The following ZC3H11A variants were observed in gnomAD, a reference collection of about 807,000 sequenced individuals.
ZC3H11A encodes zinc finger CCCH-type containing 11A.
In ZC3H11A, 22 loss-of-function variants were observed where a neutral mutation model predicts 90.8. The ratio of observed to expected loss-of-function variants is 0.24; its 90% confidence interval spans 0.17 to 0.35. The LOEUF (loss-of-function observed/expected upper bound fraction) is 0.35. ZC3H11A is among the 10% of genes least tolerant of loss of function. ZC3H11A has a pLI of 1.00. For missense variants in ZC3H11A, 701 were observed against 964.9 expected, an observed-to-expected ratio of 0.73 and a Z score of 3.62; for synonymous variants, 294 against 339.8, an observed-to-expected ratio of 0.87 and a Z score of 1.48.
At chr1:203,830,929 T>TA (rs1170842803) in intron 8 of ZC3H11A, among the ~76,000 whole-genome samples, 7 of 74,172 alleles carry the variant, frequency 9.4e-5, no homozygotes, top group African/African-American at 5.0e-4. Flanking sequence ...CCCCCAATTT[T>TA]TTTTTTTTTT....
rs1681672224 is a variant in ZC3H11A at position 203,829,817 on chromosome 1, T to C, written c.540T>C (p.Pro180=). The change falls in exon 7 of 18, where the codon CCT becomes CCC. Residue 180 remains proline (P), a synonymous_variant. Transcript: ENST00000367210. The part of the protein sequence containing the change: ...FSEEGDETKT[P]TLQPTPEVHN... ...AGGAAGGTGATGAAACCAAAACACC[T>C]ACCCTGCAACCAACTCCTGAAGTTC... The C allele has an allele frequency of 5.0e-6, 8 of 1,614,008 alleles. No individual in the cohort carries two copies. Among genetic ancestry groups the C allele is most frequent in the Non-Finnish European group, 6.8e-6 (8 of 1,180,014 alleles).
chr1:203,798,981 T>C (rs956602827), intron 1 of ZC3H11A: 1 of 1,536,164 alleles, frequency 6.5e-7, no homozygotes, highest in East Asian at 2.4e-5. Flanking sequence ...TGTTGACATA[T>C]GGACCCATGA....
intron 12 of ZC3H11A, among the ~76,000 whole-genome samples, chr1:203,841,929 G>A (rs1322301317): frequency 2.7e-5 from 4 of 148,418 alleles, no homozygotes; most frequent in Admixed American, 1.3e-4. Flanking sequence ...ATGGGGTGGC[G>A]GTCGGGCAGA....
intron 1 of ZC3H11A, chr1:203,796,145 C>T (rs1284415395): frequency 7.3e-6 from 2 of 275,512 alleles, no homozygotes; most frequent in East Asian, 5.8e-5. Flanking sequence ...CCCCGAAAAC[C>T]GACTGTTCCC....
At chr1:203,850,356 G>T in intron 15 of ZC3H11A, 159 bp from the exon 16 acceptor site, 7 of 1,079,640 alleles carry the variant, frequency 6.5e-6, no homozygotes, top group Non-Finnish European at 9.8e-6. Flanking sequence ...TGACCACCAT[G>T]TGACCACAAA....
intron 1 of ZC3H11A, chr1:203,799,450 A>T (rs1424211204): frequency 1.4e-6 from 1 of 702,972 alleles, no homozygotes; most frequent in Non-Finnish European, 2.6e-6. Flanking sequence ...TTGAAGCAGG[A>T]CGAAACTGGC....
Position 203,835,932 on chromosome 1 carries a change from G to A in ZC3H11A, c.875-2034G>A, listed in dbSNP as rs1684190348. On this transcript the variant is annotated intron_variant, in intron 10 of 17. Coordinates refer to ENST00000367210, the MANE Select transcript of ZC3H11A (RefSeq NM_001376342.1). ...AGACATACTTCCTTTAAGAAGTCCT[G>A]TTCCCAGGAGGCCTCCACAGGATCC... 2.1e-5 allele frequency: 4 copies of A among 194,590 alleles called. No individual in the cohort carries two copies. The South Asian group carries it at 4.2e-4, about 21-fold the overall frequency. 12.1% of individuals were successfully genotyped at this position (194,590 alleles called of 1,614,324 possible). A position where few individuals can be genotyped will look rare whatever the true frequency, so the allele number is the denominator to read the frequency against.
Position 203,840,923 on chromosome 1 carries a change from C to T in ZC3H11A, c.1042+549C>T, listed in dbSNP as rs542986917. On this transcript the variant is annotated intron_variant, in intron 12 of 17. Coordinates refer to ENST00000367210, the MANE Select transcript of ZC3H11A (RefSeq NM_001376342.1). ...TCCTGGGATTACAGGCACGAGCCAC[C>T]GCACCCGGCTAAATAGTAGGAAATT... is the stretch of plus-strand genomic sequence containing the variant. 8.5e-5 allele frequency among the ~76,000 whole-genome samples: 13 copies of T among 152,158 alleles called. No homozygotes were observed. In the East Asian group the frequency reaches 1.9e-3, roughly 23 times the overall value.
At chr1:203,852,109 G>T in intron 17 of ZC3H11A, 32 bp from the exon 18 acceptor site, 1 of 1,611,496 alleles carries the variant, frequency 6.2e-7, no homozygotes, top group Middle Eastern at 1.7e-4. Context: ...TTTTAAAACG[G>T]CAGTTTTCTA....
intron 4 of ZC3H11A, among the ~76,000 whole-genome samples, chr1:203,824,496 A>G (rs1010449784): frequency 4.3e-4 from 65 of 152,278 alleles, no homozygotes; most frequent in African/African-American, 1.5e-3. Flanking sequence ...GCTAAAATTT[A>G]TAACCCCCAA....
Position 203,852,458 on chromosome 1 carries a change from C to A in ZC3H11A, c.*59C>A, listed in dbSNP as rs1376011137. ...GCCAAAAAACTGGACTTAGTTTCATCTATTGTAACATTTACCTGAGATGAT... is the reference window on the plus strand; with the variant it reads ...GCCAAAAAACTGGACTTAGTTTCATATATTGTAACATTTACCTGAGATGAT... On this transcript the variant is annotated 3_prime_UTR_variant, in exon 18 of 18. Coordinates refer to ENST00000367210, the MANE Select transcript of ZC3H11A (RefSeq NM_001376342.1). 6.3e-7 allele frequency: 1 copy of A among 1,582,454 alleles called. No homozygotes were observed. Among genetic ancestry groups the A allele is most frequent in the Non-Finnish European group, 8.6e-7 (1 of 1,162,372 alleles).
chr1:203,820,639 G>A (rs1026944273), intron 4 of ZC3H11A, among the ~76,000 whole-genome samples: 10 of 151,864 alleles, frequency 6.6e-5, no homozygotes, highest in African/African-American at 2.2e-4. Flanking sequence ...CACCACACCC[G>A]TCTAATTTTT....
intron 2 of ZC3H11A, chr1:203,805,693 CCTT>C (rs1672082373): frequency 6.0e-6 from 4 of 668,764 alleles, no homozygotes; most frequent in East Asian, 3.8e-5. Context: ...AGTGGGAACA[CCTT>C]CTGGAATTGC....
rs1670566163 is a variant in ZC3H11A at position 203,801,558 on chromosome 1, C to T, written c.-1587-17C>T. 6.6e-6 allele frequency: 1 copy of T among 152,434 alleles called. No individual in the cohort carries two copies. Among genetic ancestry groups the T allele is most frequent in the African/African-American group, 2.4e-5 (1 of 41,398 alleles). 9.4% of individuals were successfully genotyped at this position (152,434 alleles called of 1,614,324 possible). A position where few individuals can be genotyped will look rare whatever the true frequency, so the allele number is the denominator to read the frequency against. On this transcript the variant is annotated splice_polypyrimidine_tract_variant and intron_variant, in intron 1 of 17. Transcript: ENST00000367210. ...TAACTAATGTGAGATCCCAATTTTT[C>T]CTTTTTTTCATTTTAGATTTGGGGA...
intron 2 of ZC3H11A, among the ~76,000 whole-genome samples, chr1:203,816,392 A>G (rs753219630): frequency 2.0e-5 from 3 of 152,180 alleles, no homozygotes; most frequent in Non-Finnish European, 2.9e-5. Flanking sequence ...TGGGAGGCCA[A>G]GTGAGGAGGA....
intron 14 of ZC3H11A, among the ~76,000 whole-genome samples, chr1:203,849,275 A>G (rs1688708772): frequency 6.6e-6 from 1 of 152,222 alleles, no homozygotes; most frequent in African/African-American, 2.4e-5. Flanking sequence ...TCTACAGTGT[A>G]TCATTTTACA....
At chr1:203,832,641 G>A (rs1404941492) in intron 9 of ZC3H11A, among the ~76,000 whole-genome samples, 1 of 152,138 alleles carries the variant, frequency 6.6e-6, no homozygotes, top group African/African-American at 2.4e-5. Context: ...GATTATAGGT[G>A]TTAGCCACCA....
At chr1:203,848,254 A>G in intron 13 of ZC3H11A, 77 bp from the exon 14 acceptor site, 1 of 1,215,024 alleles carries the variant, frequency 8.2e-7, no homozygotes. Flanking sequence ...TTCATTAAAT[A>G]AAGTTTTGTT....
chr1:203,839,834 C>G (rs1341305485), intron 11 of ZC3H11A, among the ~76,000 whole-genome samples: 1 of 152,048 alleles, frequency 6.6e-6, no homozygotes, highest in Non-Finnish European at 1.5e-5. Flanking sequence ...GACAGAGTCT[C>G]ACTCTGTCAC....
Sources: allele counts gnomAD v4.1 joint callset (sites outside exome capture counted in the v4.1 genomes callset), GRCh38; gene constraint gnomAD v4.1.1; transcripts MANE v1.5; gene names NCBI Gene and HGNC (gene_info 2026-07-23, HGNC 2026-07-21).